MAPRE3: variants seen among roughly 807,000 people sequenced by gnomAD.
MAPRE3 encodes the protein microtubule-associated protein RP/EB family member 3.
A neutral mutation model predicts 30.5 loss-of-function variants in MAPRE3; 2 were observed. The observed-to-expected ratio is 0.07, with a 90% CI of 0.03 to 0.21. The LOEUF is 0.21. MAPRE3 is among the 10% of genes least tolerant of loss of function. The probability of loss-of-function intolerance (pLI) is 1.00; values close to 1 mark genes in which losing one functional copy is unlikely to be tolerated. For synonymous variants in MAPRE3, 110 were observed against 127.7 expected, an observed-to-expected ratio of 0.86 and a Z score of 0.93; for missense variants, 204 against 351.8, an observed-to-expected ratio of 0.58 and a Z score of 3.36.
At chr2:27,001,561 T>C (rs575402711) in intron 1 of MAPRE3, among the ~76,000 whole-genome samples, 38 of 152,168 alleles carry the variant, frequency 2.5e-4, no homozygotes, top group Non-Finnish European at 4.3e-4. Context: ...AATTGATAGA[T>C]AGGTACGTAG....
intron 1 of MAPRE3, chr2:27,014,151 A>G (rs558624810): frequency 1.3e-5 from 2 of 152,266 alleles, no homozygotes; most frequent in Admixed American, 6.5e-5. Context: ...TTAGAAAGAA[A>G]ATATTGCCTA....
intron 1 of MAPRE3, among the ~76,000 whole-genome samples, chr2:27,017,856 T>C (rs1056866811): frequency 2.0e-5 from 3 of 152,056 alleles, no homozygotes; most frequent in Admixed American, 6.6e-5. Flanking sequence ...GTATATATAA[T>C]ATATCATACA....
intron 1 of MAPRE3, among the ~76,000 whole-genome samples, chr2:27,008,600 G>A (rs1429266180): frequency 1.3e-5 from 2 of 152,086 alleles, no homozygotes; most frequent in Non-Finnish European, 2.9e-5. Flanking sequence ...AGTAACTCAG[G>A]TTTAACTCCT....
intron 4 of MAPRE3, 121 bp from the exon 5 acceptor site, chr2:27,025,462 A>AG: frequency 1.0e-6 from 1 of 988,750 alleles, no homozygotes; most frequent in Non-Finnish European, 1.5e-6. Context: ...GGGTGGGGGC[A>AG]GGGGGGTGAG....
Position 26,972,043 on chromosome 2 carries a change from AG to A in MAPRE3, c.-8+1242del, listed in dbSNP as rs151249870. 3.4e-3 allele frequency among the ~76,000 whole-genome samples: 517 copies of A among 152,324 alleles called. 5 individuals carry two copies. Among genetic ancestry groups the A allele is most frequent in the African/African-American group, 0.012 (486 of 41,558 alleles). ...TCCAGAAGAACTGAGTTGAAGTCAGAGTTAGTGCCCAGAGCCAGAAACTCTT... is the reference window on the plus strand; with the variant it reads ...TCCAGAAGAACTGAGTTGAAGTCAGATTAGTGCCCAGAGCCAGAAACTCTT... On this transcript the variant is annotated intron_variant, in intron 1 of 6. Coordinates refer to ENST00000233121, the MANE Select transcript of MAPRE3 (RefSeq NM_012326.4).
intron 1 of MAPRE3, among the ~76,000 whole-genome samples, chr2:26,999,628 T>C (rs569228830): frequency 6.6e-6 from 1 of 151,106 alleles, no homozygotes; most frequent in Non-Finnish European, 1.5e-5. Context: ...CTCAGCCTCC[T>C]GAGTAGCTGG....
chr2:27,008,594 A>C (rs1666778977), intron 1 of MAPRE3, among the ~76,000 whole-genome samples: 1 of 152,074 alleles, frequency 6.6e-6, no homozygotes, highest in African/African-American at 2.4e-5. Flanking sequence ...GTCCAGAGTA[A>C]CTCAGGTTTA....
chr2:27,006,512 C>G (rs1396056177), intron 1 of MAPRE3, among the ~76,000 whole-genome samples: 5 of 152,188 alleles, frequency 3.3e-5, no homozygotes, highest in Non-Finnish European at 5.9e-5. Context: ...CTCATTGAAG[C>G]CTTGAACTCC....
At chr2:26,974,682 C>T (rs1008341181) in intron 1 of MAPRE3, among the ~76,000 whole-genome samples, 7 of 152,204 alleles carry the variant, frequency 4.6e-5, no homozygotes, top group Admixed American at 3.9e-4. Context: ...AGATCCCCAT[C>T]CAGCCATCTC....
At chr2:26,994,880 A>C (rs1481692419) in intron 1 of MAPRE3, among the ~76,000 whole-genome samples, 1 of 140,184 alleles carries the variant, frequency 7.1e-6, no homozygotes, top group African/African-American at 2.7e-5. Flanking sequence ...TCTATCACCC[A>C]GGCTGGAGTG....
intron 1 of MAPRE3, among the ~76,000 whole-genome samples, chr2:27,019,585 G>A (rs1334350815): frequency 6.6e-6 from 1 of 152,234 alleles, no homozygotes; most frequent in African/African-American, 2.4e-5. Flanking sequence ...AGGGCAGTGG[G>A]CGCAGAGACG....
chr2:27,013,551 T>A (rs900805932), intron 1 of MAPRE3: 4 of 152,184 alleles, frequency 2.6e-5, no homozygotes, highest in African/African-American at 4.8e-5. Flanking sequence ...AACCCTAGTT[T>A]AACCTCTCCC....
rs936647440 is a variant in MAPRE3, at chr2:26,986,059, G to A, written c.-8+15257G>A. 9.9e-5 allele frequency among the ~76,000 whole-genome samples: 15 copies of A among 152,190 alleles called. No individual in the cohort carries two copies. The highest frequency in any genetic ancestry group is 3.6e-4 in the African/African-American group (15 of 41,438). Reference sequence around the variant, plus strand: ...AGTAGGCACAGGAAACTAATCCAGTGTGCCAAAATCAAGGTGTTGGCAAGG... The same window carrying A: ...AGTAGGCACAGGAAACTAATCCAGTATGCCAAAATCAAGGTGTTGGCAAGG... On this transcript the variant is annotated intron_variant, in intron 1 of 6. Transcript: ENST00000233121. This position sits in a 1 kb window ranked among gnomAD's most constrained non-coding sequence, Gnocchi z 4.2.
At chr2:26,996,402 C>T (rs542163063) in intron 1 of MAPRE3, among the ~76,000 whole-genome samples, 8 of 152,216 alleles carry the variant, frequency 5.3e-5, no homozygotes, top group African/African-American at 1.9e-4. Context: ...AGCGATATTC[C>T]TGCCTCATCT....
chr2:27,007,554 G>C (rs1666758744), intron 1 of MAPRE3, among the ~76,000 whole-genome samples: 1 of 152,180 alleles, frequency 6.6e-6, no homozygotes, highest in African/African-American at 2.4e-5. Flanking sequence ...GAAAACAGTA[G>C]ATAGCTGGAA....
chr2:27,022,115 T>C, intron 1 of MAPRE3, 97 bp from the exon 2 acceptor site: 2 of 1,418,398 alleles, frequency 1.4e-6, no homozygotes, highest in Non-Finnish European at 1.9e-6. Flanking sequence ...GGAGGGAATG[T>C]TTCTTACTTC....
intron 1 of MAPRE3, among the ~76,000 whole-genome samples, chr2:27,004,222 C>A (rs751744053): frequency 6.6e-6 from 1 of 152,172 alleles, no homozygotes; most frequent in Non-Finnish European, 1.5e-5. Context: ...GTCCTTTTCA[C>A]CACCTTTTTC....
chr2:27,017,635 G>C (rs368460330), intron 1 of MAPRE3, among the ~76,000 whole-genome samples: 4 of 152,094 alleles, frequency 2.6e-5, no homozygotes, highest in Non-Finnish European at 4.4e-5. Context: ...GTGTGCCAAG[G>C]ACTGGCTAGT....
chr2:26,996,557 C>G (rs1423374191), intron 1 of MAPRE3, among the ~76,000 whole-genome samples: 1 of 152,072 alleles, frequency 6.6e-6, no homozygotes, highest in Non-Finnish European at 1.5e-5. Context: ...AATCCCATCA[C>G]TTTGGGAGGC....
Sources: allele counts gnomAD v4.1 joint callset (sites outside exome capture counted in the v4.1 genomes callset), GRCh38; gene constraint gnomAD v4.1.1; non-coding constraint Gnocchi (gnomAD v3.1); transcripts MANE v1.5; gene names NCBI Gene and HGNC (gene_info 2026-07-23, HGNC 2026-07-21).